The following SPTLC3 variants were observed in gnomAD, a reference collection of about 807,000 sequenced individuals.
SPTLC3 encodes the protein serine palmitoyltransferase long chain base subunit 3.
A neutral mutation model predicts 59.3 loss-of-function variants in SPTLC3; 36 were observed. That is an observed-to-expected ratio of 0.61 (90% CI 0.47 to 0.80). The LOEUF (loss-of-function observed/expected upper bound fraction) is 0.80. Among genes scored for constraint, SPTLC3 ranks in the 30% least tolerant of loss-of-function variants. The pLI, the probability that SPTLC3 is intolerant of heterozygous loss-of-function variation, is 0.00. For synonymous variants in SPTLC3, 257 were observed against 240.8 expected (o/e 1.07, Z -0.62); for missense variants, 625 against 685.1 (o/e 0.91, Z 0.98).
At chr20:13,055,123 G>T (rs1987665668) in intron 2 of SPTLC3, among the ~76,000 whole-genome samples, 1 of 151,876 alleles carries the variant, frequency 6.6e-6, no homozygotes, top group Admixed American at 6.6e-5. Context: ...GAGGAAAATA[G>T]GGGAATCTCA....
In SPTLC3 at chr20:13,017,080, A is replaced by G. The variant is rs558706198; in HGVS notation, c.117+7696A>G. On this transcript the variant is annotated intron_variant, in intron 1 of 11. Transcript: ENST00000399002. ...CTGTAAACACAAGATAATGTTAGGC[A>G]TGGGATTCATACCCACTTCCAGAGA... Among the ~76,000 whole-genome samples the G allele has an allele frequency of 2.6e-5, 4 of 152,306 alleles. No homozygotes were observed. In the South Asian group the frequency reaches 6.2e-4, roughly 24 times the overall value.
At chr20:13,102,384 T>G (rs1989633296) in intron 6 of SPTLC3, among the ~76,000 whole-genome samples, 1 of 152,168 alleles carries the variant, frequency 6.6e-6, no homozygotes, top group African/African-American at 2.4e-5. Context: ...TACTCTTATC[T>G]CCTTTTTGAC....
chr20:13,090,954 T>C, intron 4 of SPTLC3, 129 bp from the exon 5 acceptor site: 1 of 1,275,370 alleles, frequency 7.8e-7, no homozygotes, highest in Non-Finnish European at 1.1e-6. Flanking sequence ...ATTAGGGCAA[T>C]GGCAAATCTT....
At chr20:13,036,945 C>A (rs1326455143) in intron 1 of SPTLC3, among the ~76,000 whole-genome samples, 1 of 152,092 alleles carries the variant, frequency 6.6e-6, no homozygotes, top group Non-Finnish European at 1.5e-5. Flanking sequence ...TCTCTCATAG[C>A]AAGTCTAGTA....
intron 9 of SPTLC3, among the ~76,000 whole-genome samples, chr20:13,127,140 C>A (rs1600334306): frequency 6.6e-6 from 1 of 152,178 alleles, no homozygotes; most frequent in African/African-American, 2.4e-5. Context: ...CAGTGGAAGG[C>A]CACCACTGGC....
At position 13,083,976 on chromosome 20, in the gene SPTLC3, T is replaced by C. The variant is rs985928687; in HGVS notation, c.608-7107T>C. On this transcript the variant is annotated intron_variant, in intron 4 of 11. Transcript: ENST00000399002. ...ACTCCAGTATCTAGCGTTCAAGCCA[T>C]GTTCATGCAACTTGCAACGGTCCCC... is the stretch of plus-strand genomic sequence containing the variant. 5.9e-5 allele frequency among the ~76,000 whole-genome samples: 9 copies of C among 152,312 alleles called. No individual in the cohort carries two copies. In the East Asian group the frequency reaches 1.3e-3, roughly 23 times the overall value.
chr20:13,066,000 T>C (rs1016657210), intron 2 of SPTLC3, among the ~76,000 whole-genome samples: 2 of 152,254 alleles, frequency 1.3e-5, no homozygotes, highest in Admixed American at 1.3e-4. Context: ...TGCTGTACAT[T>C]AGGTCTCCAC....
intron 4 of SPTLC3, among the ~76,000 whole-genome samples, chr20:13,081,914 A>G (rs562180194): frequency 6.6e-6 from 1 of 152,168 alleles, no homozygotes; most frequent in Non-Finnish European, 1.5e-5. Flanking sequence ...AAATGAAAGC[A>G]TATCTTTGTT....
At chr20:13,061,385 A>T (rs546455894) in intron 2 of SPTLC3, among the ~76,000 whole-genome samples, 1 of 152,306 alleles carries the variant, frequency 6.6e-6, no homozygotes, top group East Asian at 1.9e-4. Flanking sequence ...AGGTCAGCCC[A>T]TCCACCTGCC....
chr20:13,066,097 C>A (rs1467839525), intron 2 of SPTLC3, among the ~76,000 whole-genome samples: 1 of 152,254 alleles, frequency 6.6e-6, no homozygotes, highest in Non-Finnish European at 1.5e-5. Context: ...TGGCAACCAC[C>A]ATTCTACTCT....
intron 3 of SPTLC3, chr20:13,073,956 G>T: frequency 1.5e-5 from 9 of 591,132 alleles, no homozygotes; most frequent in Non-Finnish European, 2.0e-5. Flanking sequence ...CACCTGAGTG[G>T]ATGTTACCAA....
intron 3 of SPTLC3, among the ~76,000 whole-genome samples, chr20:13,073,159 A>G (rs1156516635): frequency 6.6e-6 from 1 of 152,092 alleles, no homozygotes; most frequent in Admixed American, 6.5e-5. Flanking sequence ...TTCTTCTATC[A>G]CACCATATCT....
intron 1 of SPTLC3, among the ~76,000 whole-genome samples, chr20:13,027,592 G>T (rs188002946): frequency 6.7e-6 from 1 of 150,296 alleles, no homozygotes; most frequent in East Asian, 2.0e-4. Flanking sequence ...AGAACAGGAA[G>T]GAAGGAAAAA....
At chr20:13,024,775 A>G (rs891958361) in intron 1 of SPTLC3, among the ~76,000 whole-genome samples, 2 of 152,204 alleles carry the variant, frequency 1.3e-5, no homozygotes, top group African/African-American at 4.8e-5. Flanking sequence ...GCTGTCTTCT[A>G]GAGAAATTCC....
intron 4 of SPTLC3, among the ~76,000 whole-genome samples, chr20:13,076,697 T>C (rs1988658891): frequency 6.6e-6 from 1 of 152,048 alleles, no homozygotes. Flanking sequence ...TAAGTTCAAC[T>C]ATGTGCTGCA....
intron 4 of SPTLC3, among the ~76,000 whole-genome samples, chr20:13,076,860 G>C (rs923213148): frequency 6.6e-6 from 1 of 152,152 alleles, no homozygotes; most frequent in East Asian, 1.9e-4. Context: ...AGCAAAGGAA[G>C]AGCCCAGGAG....
At chr20:13,145,536 C>G (rs2038489474) in intron 9 of SPTLC3, among the ~76,000 whole-genome samples, 1 of 152,038 alleles carries the variant, frequency 6.6e-6, no homozygotes, top group Non-Finnish European at 1.5e-5. Flanking sequence ...TAGGAAGAAT[C>G]AACATCATTA....
At chr20:13,157,273 C>CA (rs34562385) in intron 10 of SPTLC3, among the ~76,000 whole-genome samples, 129,475 of 143,674 alleles carry the variant, frequency 0.9, 58,267 homozygotes, top group East Asian at 0.99. Flanking sequence ...ACTAAAAGTA[C>CA]AAAAAAAAAA....
chr20:13,065,425 G>A (rs115553950), intron 2 of SPTLC3, among the ~76,000 whole-genome samples: 198 of 150,652 alleles, frequency 1.3e-3, no homozygotes, highest in African/African-American at 4.6e-3. Flanking sequence ...TCCTTCAATA[G>A]CCATCTCTTT....
Sources: gnomAD v4.1 joint callset for allele counts (sites outside exome capture counted in the v4.1 genomes callset) on GRCh38, gnomAD v4.1.1 for gene constraint, MANE v1.5 for transcripts, NCBI Gene and HGNC (gene_info 2026-07-23, HGNC 2026-07-21) for gene names.